The following ATG14 variants were observed in gnomAD, a reference collection of about 807,000 sequenced individuals.
The protein encoded by ATG14 is autophagy related 14, also known as beclin 1-associated autophagy-related key regulator.
In ATG14, 35 loss-of-function variants were observed where a neutral mutation model predicts 60.4. The ratio of observed to expected loss-of-function variants is 0.58; its 90% CI spans 0.44 to 0.77. The LOEUF is 0.77. Ranked by LOEUF, ATG14 falls within the 30% of genes least tolerant of loss-of-function variation. ATG14 has a pLI of 0.00. For synonymous variants in ATG14, 234 were observed against 228.8 expected, an observed-to-expected ratio of 1.02 and a Z score of -0.21; for missense variants, 647 against 626.3, an observed-to-expected ratio of 1.03 and a Z score of -0.35.
At chr14:55,381,372 CACATT>C (rs1462951740) in intron 6 of ATG14, among the ~76,000 whole-genome samples, 4 of 152,158 alleles carry the variant, frequency 2.6e-5, no homozygotes, top group African/African-American at 7.2e-5. Flanking sequence ...ACTACTAAAA[CACATT>C]ACAAAGTTAT....
In ATG14 at chr14:55,367,272, T is replaced by G. The variant is rs1884700546; in HGVS notation, c.*2347A>C. 1 of 152,206 alleles carries G rather than the reference T, an allele frequency of 6.6e-6. No homozygotes were observed. The highest frequency in any genetic ancestry group is 1.5e-5 in the Non-Finnish European group (1 of 68,048). 9.4% of individuals were successfully genotyped at this position (152,206 alleles called of 1,614,324 possible). ...ACTCTTACAACTCGTGAGACTAAGC[T>G]CTTACTTCTGAGGGTTTTAAGTAGC... On this transcript the variant is annotated 3_prime_UTR_variant, in exon 10 of 10. Coordinates refer to ENST00000247178, the MANE Select transcript of ATG14 (RefSeq NM_014924.5).
intron 9 of ATG14, among the ~76,000 whole-genome samples, chr14:55,373,042 C>T (rs1884853217): frequency 6.6e-6 from 1 of 152,092 alleles, no homozygotes; most frequent in Admixed American, 6.5e-5. Flanking sequence ...CCACCCAGTG[C>T]CTCTCCCACT....
intron 9 of ATG14, among the ~76,000 whole-genome samples, chr14:55,374,653 G>T (rs1367590619): frequency 6.6e-6 from 1 of 151,988 alleles, no homozygotes; most frequent in Non-Finnish European, 1.5e-5. Context: ...TTTTATAGCT[G>T]TATTTTTTTA....
chr14:55,376,445 T>A (rs575570503), intron 9 of ATG14, among the ~76,000 whole-genome samples: 1 of 151,982 alleles, frequency 6.6e-6, no homozygotes, highest in Non-Finnish European at 1.5e-5. Context: ...GGATCAGGGG[T>A]GAGAGGCATG....
In ATG14 at chr14:55,411,801, C is replaced by T. The variant is rs377313536; in HGVS notation, c.22G>A (p.Gly8Arg). The T allele has an allele frequency of 2.3e-5, 36 of 1,597,908 alleles. No individual in the cohort carries two copies. The highest frequency in any genetic ancestry group is 3.0e-5 in the Non-Finnish European group (35 of 1,172,970). The change falls in exon 1 of 10, where the codon GGA becomes AGA. Residue 8 changes from glycine to arginine, a missense_variant. Coordinates refer to ENST00000247178, the MANE Select transcript of ATG14 (RefSeq NM_014924.5). MASPSGK[G>R]ARALEAPGCG... Reference sequence around the variant, plus strand: ...CCAGGAGCCTCCAGCGCCCGGGCTCCCTTCCCACTGGGAGACGCCATGATG... The same window carrying T: ...CCAGGAGCCTCCAGCGCCCGGGCTCTCTTCCCACTGGGAGACGCCATGATG...
chr14:55,406,267 C>T (rs1673223777), intron 1 of ATG14, among the ~76,000 whole-genome samples: 1 of 152,096 alleles, frequency 6.6e-6, no homozygotes, highest in Admixed American at 6.6e-5. Context: ...CTTTGATATG[C>T]ATTATCACAT....
intron 1 of ATG14, among the ~76,000 whole-genome samples, chr14:55,397,943 C>CTTTTTTT (rs928087584): frequency 2.3e-4 from 24 of 105,526 alleles, no homozygotes; most frequent in East Asian, 5.8e-4. Flanking sequence ...TGCAGTAATT[C>CTTTTTTT]TTTTTTTTTT....
chr14:55,406,960 T>C (rs931199573), intron 1 of ATG14, among the ~76,000 whole-genome samples: 3 of 151,512 alleles, frequency 2.0e-5, no homozygotes, highest in African/African-American at 4.9e-5. Flanking sequence ...ATTTTTGAGA[T>C]TGTCTTTTTT....
intron 6 of ATG14, 38 bp downstream of exon 6, chr14:55,381,924 C>G: frequency 6.4e-7 from 1 of 1,552,494 alleles, no homozygotes; most frequent in African/African-American, 1.4e-5. Flanking sequence ...CTATAACTCT[C>G]TCTATATATA....
intron 9 of ATG14, among the ~76,000 whole-genome samples, chr14:55,370,171 T>G (rs529897716): frequency 6.6e-5 from 10 of 152,246 alleles, no homozygotes; most frequent in Admixed American, 3.9e-4. Flanking sequence ...ACTTCATTGG[T>G]GATGACCGTG....
chr14:55,411,024 G>A (rs867478389), intron 1 of ATG14, among the ~76,000 whole-genome samples: 1 of 152,132 alleles, frequency 6.6e-6, no homozygotes, highest in Non-Finnish European at 1.5e-5. Flanking sequence ...GCCAAAACAC[G>A]TTCCCAAATT....
chr14:55,370,248 G>C (rs1884783604), intron 9 of ATG14, among the ~76,000 whole-genome samples: 2 of 152,168 alleles, frequency 1.3e-5, no homozygotes, highest in African/African-American at 4.8e-5. Context: ...CTGTTGTAAA[G>C]AACTGCAGTG....
intron 9 of ATG14, 66 bp from the exon 10 acceptor site, chr14:55,369,991 C>A (rs1755322289): frequency 6.7e-7 from 1 of 1,489,610 alleles, no homozygotes; most frequent in Admixed American, 2.1e-5. Flanking sequence ...AATATGCCAT[C>A]TTCCTGAAGG....
At chr14:55,379,550 A>G (rs1884989433) in intron 7 of ATG14, among the ~76,000 whole-genome samples, 1 of 152,166 alleles carries the variant, frequency 6.6e-6, no homozygotes, top group Admixed American at 6.5e-5. Flanking sequence ...GTCTTAAGAA[A>G]AAGAAGAAAG....
At chr14:55,389,139 G>A (rs1285935769) in intron 4 of ATG14, among the ~76,000 whole-genome samples, 1 of 152,174 alleles carries the variant, frequency 6.6e-6, no homozygotes, top group Non-Finnish European at 1.5e-5. Context: ...AATTCTTTGT[G>A]GTGGTTGTTT....
rs543547984 is a variant in ATG14 at position 55,374,115 on chromosome 14, C to A, written c.1172+3704G>T. On this transcript the variant is annotated intron_variant, in intron 9 of 9. Transcript: ENST00000247178. Reference sequence around the variant, plus strand: ...ATGAGTGCTTTTTTCCCTCAACTACCAGCAACGCTGGATTCATCGAGCCTT... The same window carrying A: ...ATGAGTGCTTTTTTCCCTCAACTACAAGCAACGCTGGATTCATCGAGCCTT... Among the ~76,000 whole-genome samples the A allele has an allele frequency of 5.2e-5, 8 of 152,382 alleles. No individual in the cohort carries two copies. The East Asian group carries it at 1.5e-3, about 29-fold the overall frequency.
At chr14:55,393,180 G>A (rs1885249477) in intron 3 of ATG14, among the ~76,000 whole-genome samples, 1 of 152,014 alleles carries the variant, frequency 6.6e-6, no homozygotes, top group Admixed American at 6.6e-5. Flanking sequence ...AGGAGATTGA[G>A]ACCATCCTGG....
At position 55,372,416 on chromosome 14, in the gene ATG14, ATTCTG is replaced by A. The variant is rs3837610; in HGVS notation, c.1173-2496_1173-2492del. ...CCTTTACTAAACCAAAGATGCTCTGATTCTGTTCTGTTCAGCTGTGCAGTCTAGGG... is the reference window on the plus strand; with the variant it reads ...CCTTTACTAAACCAAAGATGCTCTGATTCTGTTCAGCTGTGCAGTCTAGGG... On this transcript the variant is annotated intron_variant, in intron 9 of 9. Transcript: ENST00000247178. Among the ~76,000 whole-genome samples the A allele has an allele frequency of 4.3e-3, 653 of 152,138 alleles. 17 individuals are homozygous for A. In the East Asian group the frequency reaches 0.066, roughly 15 times the overall value.
intron 9 of ATG14, among the ~76,000 whole-genome samples, chr14:55,376,657 G>A (rs529914684): frequency 6.6e-6 from 1 of 152,282 alleles, no homozygotes; most frequent in South Asian, 2.1e-4. Flanking sequence ...CGTGTTAGTG[G>A]ACGAGGCCTC....
Sources: gnomAD v4.1 joint callset for allele counts (sites outside exome capture counted in the v4.1 genomes callset) on GRCh38, gnomAD v4.1.1 for gene constraint, MANE v1.5 for transcripts, NCBI Gene and HGNC (gene_info 2026-07-23, HGNC 2026-07-21) for gene names.